AMPH: variants seen among roughly 807,000 people sequenced by gnomAD.
AMPH encodes amphiphysin (Stiff-Mann syndrome with breast cancer 128kD autoantigen).
In AMPH, 49 loss-of-function variants were observed where a neutral mutation model predicts 99.1. The ratio of observed to expected loss-of-function variants is 0.49; its 90% CI spans 0.39 to 0.63. The LOEUF (loss-of-function observed/expected upper bound fraction) is 0.63, where lower values mean the gene tolerates loss of function less well. Ranked by LOEUF, AMPH falls within the 20% of genes least tolerant of loss-of-function variation. AMPH has a pLI of 0.00. For synonymous variants in AMPH, 314 were observed against 317.3 expected, an observed-to-expected ratio of 0.99 and a Z score of 0.11; for missense variants, 759 against 863.4, an observed-to-expected ratio of 0.88 and a Z score of 1.52.
intron 1 of AMPH, among the ~76,000 whole-genome samples, chr7:38,620,643 C>G (rs1056841620): frequency 6.6e-6 from 1 of 151,374 alleles, no homozygotes; most frequent in African/African-American, 2.4e-5. Context: ...GCAATTAAGA[C>G]TTTTAAAGAC....
Position 38,589,151 on chromosome 7 carries a change from A to T in AMPH, c.69+42132T>A, listed in dbSNP as rs2129057453. Among the ~76,000 whole-genome samples the T allele has an allele frequency of 2.0e-5, 3 of 152,348 alleles. No individual in the cohort carries two copies. In the East Asian group the frequency reaches 5.8e-4, roughly 29 times the overall value. On this transcript the variant is annotated intron_variant, in intron 1 of 20. Coordinates refer to ENST00000356264, the MANE Select transcript of AMPH (RefSeq NM_001635.4). Reference sequence around the variant, plus strand: ...AATTGATATTGAAGTCTGACTATCCAACATTAAAGTAGAAATAAGATAATC... The same window carrying T: ...AATTGATATTGAAGTCTGACTATCCTACATTAAAGTAGAAATAAGATAATC...
intron 1 of AMPH, among the ~76,000 whole-genome samples, chr7:38,573,982 G>C (rs1288188852): frequency 6.6e-6 from 1 of 152,188 alleles, no homozygotes; most frequent in Non-Finnish European, 1.5e-5. Context: ...TTGCTAATAA[G>C]TGGCACAGCT....
intron 1 of AMPH, among the ~76,000 whole-genome samples, chr7:38,545,161 A>G (rs1790950127): frequency 6.6e-6 from 1 of 152,228 alleles, no homozygotes; most frequent in Non-Finnish European, 1.5e-5. Context: ...GGTGGTCTAC[A>G]TTCCTAGAAA....
intron 11 of AMPH, among the ~76,000 whole-genome samples, chr7:38,443,726 A>G (rs1786646405): frequency 6.6e-6 from 1 of 152,138 alleles, no homozygotes; most frequent in South Asian, 2.1e-4. Flanking sequence ...AATAAAACCT[A>G]CAAGTAACAA....
intron 11 of AMPH, among the ~76,000 whole-genome samples, chr7:38,449,384 T>C (rs1464223333): frequency 6.6e-6 from 1 of 152,196 alleles, no homozygotes; most frequent in Non-Finnish European, 1.5e-5. Flanking sequence ...TTTGCTCTTC[T>C]AGAAAGTAGG....
intron 7 of AMPH, among the ~76,000 whole-genome samples, chr7:38,471,991 A>C (rs1787904641): frequency 6.6e-6 from 1 of 152,178 alleles, no homozygotes; most frequent in African/African-American, 2.4e-5. Context: ...AAAAGCTGAC[A>C]GAAATGAAGA....
At chr7:38,485,572 A>G (rs1436806832) in intron 5 of AMPH, among the ~76,000 whole-genome samples, 1 of 151,970 alleles carries the variant, frequency 6.6e-6, no homozygotes, top group African/African-American at 2.4e-5. Flanking sequence ...AATTTCAATT[A>G]TAGACACAAT....
intron 1 of AMPH, among the ~76,000 whole-genome samples, chr7:38,602,343 CAACACAAACTATTTGTTCTGGGGGTCAG>C (rs1464850995): frequency 6.6e-6 from 1 of 152,190 alleles, no homozygotes; most frequent in Non-Finnish European, 1.5e-5. Flanking sequence ...TGGCTGGAAA[CAACACAAACTATTTGTTCTGGGGGTCAG>C]AAGTTTGAAA....
rs866008676 is a variant in AMPH, at chr7:38,477,082, G to A, written c.397-113C>T. The A allele has an allele frequency of 7.4e-6, 6 of 812,062 alleles. 1 individual carries two copies. Among genetic ancestry groups the A allele is most frequent in the African/African-American group, 6.7e-5 (4 of 59,432 alleles). The allele number at this position is 812,062 out of a possible 1,614,324, so 50.3% of individuals were successfully genotyped here. On this transcript the variant is annotated intron_variant, in intron 5 of 20. Transcript: ENST00000356264. ...CCAGAGCTGCTGAGGATCTTGACTG[G>A]AGATCAAGATGGGCTGGAGTTTCAC...
chr7:38,446,318 C>T (rs190958047), intron 11 of AMPH, among the ~76,000 whole-genome samples: 54 of 152,130 alleles, frequency 3.5e-4, no homozygotes, highest in African/African-American at 1.1e-3. Flanking sequence ...AGGTATTCGC[C>T]CAAGAGAAAT....
chr7:38,391,692 A>C, intron 19 of AMPH, 56 bp downstream of exon 19: 1 of 1,560,966 alleles, frequency 6.4e-7, no homozygotes, highest in Admixed American at 2.0e-5. Flanking sequence ...CAAAGGCTTG[A>C]GCAAAAGGGC....
At chr7:38,571,298 T>TAGTATATATTTATATATA (rs144518063) in intron 1 of AMPH, among the ~76,000 whole-genome samples, 1 of 78,020 alleles carries the variant, frequency 1.3e-5, no homozygotes, top group Non-Finnish European at 2.2e-5. Flanking sequence ...TATTTATATA[T>TAGTATATATTTATATATA]GAATATATAT....
chr7:38,625,276 G>A (rs1794205410), intron 1 of AMPH, among the ~76,000 whole-genome samples: 1 of 152,144 alleles, frequency 6.6e-6, no homozygotes, highest in Non-Finnish European at 1.5e-5. Flanking sequence ...TCTCCAGGAT[G>A]AGAAAATGAG....
intron 7 of AMPH, among the ~76,000 whole-genome samples, chr7:38,468,536 C>G (rs1388794686): frequency 6.6e-6 from 1 of 152,038 alleles, no homozygotes; most frequent in Non-Finnish European, 1.5e-5. Context: ...TTTAGAATAA[C>G]TAAACATCTA....
At chr7:38,440,809 A>G (rs1024058218) in intron 11 of AMPH, among the ~76,000 whole-genome samples, 2 of 152,140 alleles carry the variant, frequency 1.3e-5, no homozygotes, top group Non-Finnish European at 2.9e-5. Flanking sequence ...AAAATTAAAG[A>G]GAATAAAAAA....
chr7:38,558,158 C>T (rs144033169), intron 1 of AMPH, among the ~76,000 whole-genome samples: 3 of 152,268 alleles, frequency 2.0e-5, no homozygotes, highest in African/African-American at 7.2e-5. Flanking sequence ...GACTTCAGTG[C>T]TAAAGTAAAG....
At chr7:38,425,305 A>T (rs1420900413) in intron 15 of AMPH, among the ~76,000 whole-genome samples, 11 of 152,224 alleles carry the variant, frequency 7.2e-5, no homozygotes. Flanking sequence ...ACAGCAGCCC[A>T]GGAGAGGAGG....
intron 1 of AMPH, among the ~76,000 whole-genome samples, chr7:38,622,676 G>A (rs935629657): frequency 6.6e-6 from 1 of 152,152 alleles, no homozygotes; most frequent in African/African-American, 2.4e-5. Context: ...CAATGTGTGA[G>A]GATATTGAAT....
chr7:38,473,085 C>A (rs957077151), intron 7 of AMPH, among the ~76,000 whole-genome samples: 9 of 152,088 alleles, frequency 5.9e-5, no homozygotes, highest in African/African-American at 1.9e-4. Flanking sequence ...GGCAATTTCC[C>A]CAAAGTTTCA....
Sources: gnomAD v4.1 joint callset for allele counts (sites outside exome capture counted in the v4.1 genomes callset) on GRCh38, gnomAD v4.1.1 for gene constraint, MANE v1.5 for transcripts, NCBI Gene and HGNC (gene_info 2026-07-23, HGNC 2026-07-21) for gene names.